Variants in CAMTA2 observed in about 807,000 individuals in gnomAD.
CAMTA2 encodes the protein calmodulin-binding transcription activator 2.
A neutral mutation model predicts 135.7 loss-of-function variants in CAMTA2; 56 were observed. The observed-to-expected ratio is 0.41, with a 90% CI of 0.33 to 0.52. The LOEUF (loss-of-function observed/expected upper bound fraction) is 0.52. CAMTA2 is among the 20% of genes least tolerant of loss of function. The pLI is 0.16. For synonymous variants in CAMTA2, 591 were observed against 604.6 expected (o/e 0.98, Z 0.33); for missense variants, 1,358 against 1,553.4 (o/e 0.87, Z 2.11).
Position 4,982,950 on chromosome 17 carries a change from TCCC to T in CAMTA2, c.203+23_203+25del, listed in dbSNP as rs778835144. ...GAACAGAACCCAGGACCCCTGCCAC[TCCC>T]CCATGTTCTCAAACTTTCTCACCTT... On this transcript the variant is annotated intron_variant, in intron 4 of 22. Coordinates refer to ENST00000348066, the MANE Select transcript of CAMTA2 (RefSeq NM_015099.4). 3 of 1,613,888 alleles carry T rather than the reference TCCC, an allele frequency of 1.9e-6. No homozygotes were observed. The African/African-American group carries it at 4.0e-5, about 22-fold the overall frequency.
chr17:4,971,369 A>G (rs1490538945), intron 16 of CAMTA2, among the ~76,000 whole-genome samples: 3 of 152,226 alleles, frequency 2.0e-5, no homozygotes, highest in African/African-American at 7.2e-5. Context: ...TTTTTGTTAT[A>G]GAGACAGGGT....
chr17:4,982,285 C>T, intron 5 of CAMTA2, 125 bp from the exon 6 acceptor site: 1 of 709,208 alleles, frequency 1.4e-6, no homozygotes, highest in Non-Finnish European at 2.5e-6. Context: ...CCCACCCTCG[C>T]CCCCACCTAT....
chr17:4,980,667 T>C lies in CAMTA2; in HGVS notation c.701-46A>G. The C allele has an allele frequency of 7.0e-7, 1 of 1,423,974 alleles. No homozygotes were observed. The highest frequency in any genetic ancestry group is 9.9e-7 in the Non-Finnish European group (1 of 1,010,828). 88.2% of individuals were successfully genotyped at this position (1,423,974 alleles called of 1,614,324 possible). ...AGGGAGAGGAGATAAGACACATCAT[T>C]CCGCACCTTCTCTACCTTGAGGCCC... On this transcript the variant is annotated intron_variant, in intron 8 of 22. Transcript: ENST00000348066. The surrounding 1 kb of genome is among the most constrained non-coding windows in gnomAD (Gnocchi z 5.3).
chr17:4,971,298 C>T (rs1972270119), intron 16 of CAMTA2, among the ~76,000 whole-genome samples: 1 of 152,196 alleles, frequency 6.6e-6, no homozygotes, highest in South Asian at 2.1e-4. Context: ...AGAACCTTGT[C>T]CCTACATAGA....
chr17:4,973,134 G>C, intron 14 of CAMTA2, 41 bp downstream of exon 14: 1 of 1,571,012 alleles, frequency 6.4e-7, no homozygotes, highest in South Asian at 1.1e-5. Context: ...TGTTCCCATT[G>C]CTCCCTGCCC....
At chr17:4,972,194 A>G in intron 16 of CAMTA2, 38 bp downstream of exon 16, 2 of 1,554,854 alleles carry the variant, frequency 1.3e-6, no homozygotes, top group Admixed American at 3.7e-5. Flanking sequence ...TTCCTACTCC[A>G]CTTCTAGCCC....
In CAMTA2 at chr17:4,973,228, A is replaced by T. The variant is rs747922294; in HGVS notation, c.2227T>A (p.Leu743Ile). The change falls in exon 14 of 23, where the codon TTA becomes ATA. Residue 743 changes from leucine (L) to isoleucine (I), a missense_variant. Leu to Ile is a conservative substitution (Grantham distance 5). Around this residue, in one of 4 missense-constraint regions of CAMTA2, gnomAD observed 1,077 missense variants for 1,127.5 expected, o/e 0.96. Transcript: ENST00000348066. Reference sequence around the variant, plus strand: ...TTGAGCGGGTCAACCTCCTGCTCTAAGTCCAAGCTTCCAGTCTCCACACTC... The same window carrying T: ...TTGAGCGGGTCAACCTCCTGCTCTATGTCCAAGCTTCCAGTCTCCACACTC... Reference protein sequence around the residue: ...WRSVETGSLDLEQEVDPLNVD... With the variant: ...WRSVETGSLDIEQEVDPLNVD... 6.2e-6 allele frequency: 10 copies of T among 1,614,080 alleles called. No individual in the cohort carries two copies. In the South Asian group the frequency reaches 1.1e-4, roughly 18 times the overall value.
In CAMTA2 at chr17:4,968,891, G is replaced by A; in HGVS notation, c.3545+16C>T. The A allele has an allele frequency of 1.2e-6, 2 of 1,613,884 alleles. No individual in the cohort carries two copies. The highest frequency in any genetic ancestry group is 1.7e-6 in the Non-Finnish European group (2 of 1,179,746). ...GGGTGGCAACGCAAAAGCCCAGGGG[G>A]AGAAGGGATGAGTACCTGTGTCGGC... On this transcript the variant is annotated intron_variant, in intron 22 of 22. Coordinates refer to ENST00000348066, the MANE Select transcript of CAMTA2 (RefSeq NM_015099.4).
chr17:4,973,155 CA>C lies in CAMTA2; in HGVS notation c.2280+19del. On this transcript the variant is annotated intron_variant, in intron 14 of 22. Transcript: ENST00000348066. ...CATTGCTCCCTGCCCCATATGCGCT[CA>C]GGAATCCGTCATCCTCACCAGAGGG... The C allele has an allele frequency of 6.2e-7, 1 of 1,609,230 alleles. No individual in the cohort carries two copies. The highest frequency in any genetic ancestry group is 1.3e-5 in the African/African-American group (1 of 74,518).
At chr17:4,968,860 C>A (rs751024487) in intron 22 of CAMTA2, 41 bp from the exon 23 acceptor site, 8 of 1,612,894 alleles carry the variant, frequency 5.0e-6, no homozygotes, top group Non-Finnish European at 6.8e-6. Flanking sequence ...ACTGGCGGAT[C>A]ACGACGGGTG....
chr17:4,979,717 G>A lies in CAMTA2; in HGVS notation c.1605C>T (p.Ile535=), dbSNP rs139709076. The A allele has an allele frequency of 7.4e-6, 12 of 1,614,002 alleles. No homozygotes were observed. Among genetic ancestry groups the A allele is most frequent in the Non-Finnish European group, 1.0e-5 (12 of 1,179,910 alleles). The change falls in exon 9 of 23, where the codon ATC becomes ATT. Residue 535 remains isoleucine (I), a synonymous_variant. Transcript: ENST00000348066. ...TPQLSPALST[I]TDFSPEWSYP... ...AGGACCACTCTGGGGAGAAGTCTGTGATGGTGCTAAGAGCAGGAGACAGCT... is the reference window on the plus strand; with the variant it reads ...AGGACCACTCTGGGGAGAAGTCTGTAATGGTGCTAAGAGCAGGAGACAGCT...
At position 4,972,445 on chromosome 17, in the gene CAMTA2, G is replaced by C. The variant is rs1195792438; in HGVS notation, c.2595C>G (p.Pro865=). 1.2e-6 allele frequency: 2 copies of C among 1,613,804 alleles called. No homozygotes were observed. The highest frequency in any genetic ancestry group is 3.3e-4 in the Middle Eastern group (2 of 6,058). ...TCTCAGAGGCTGGCAGAGGTGCAGG[G>C]GGGGGACTGCCATCTGGGGCACTAG... ...AYSSAPDGSP[P]PAPLPASEMT... The change falls in exon 16 of 23, where the codon CCC becomes CCG. Residue 865 remains proline, a synonymous_variant. Coordinates refer to ENST00000348066, the MANE Select transcript of CAMTA2 (RefSeq NM_015099.4).
chr17:4,985,040 G>C (rs1973180917), intron 3 of CAMTA2, among the ~76,000 whole-genome samples: 1 of 148,642 alleles, frequency 6.7e-6, no homozygotes, highest in East Asian at 2.0e-4. Context: ...ACAAAAATTA[G>C]CCGGGCGTGG....
rs1167149084 is a variant in CAMTA2 at position 4,973,772 on chromosome 17, G to A, written c.2017-3C>T. 1.2e-6 allele frequency: 2 copies of A among 1,601,870 alleles called. No individual in the cohort carries two copies. Among genetic ancestry groups the A allele is most frequent in the South Asian group, 1.1e-5 (1 of 89,884 alleles). ...AACCCAGGCCCCTGGCCTTCATCCT[G>A]CGATATACACACTCTTAGGCAGAGA... On this transcript the variant is annotated splice_polypyrimidine_tract_variant and splice_region_variant and intron_variant, in intron 12 of 22. Coordinates refer to ENST00000348066, the MANE Select transcript of CAMTA2 (RefSeq NM_015099.4).
At chr17:4,986,890 C>CCT in intron 1 of CAMTA2, 1 of 1,321,712 alleles carries the variant, frequency 7.6e-7, no homozygotes, top group Non-Finnish European at 1.0e-6. Flanking sequence ...GGCTGACAGC[C>CCT]CTCTCTACGT....
intron 9 of CAMTA2, 58 bp downstream of exon 9, chr17:4,979,626 T>G: frequency 8.0e-7 from 1 of 1,247,478 alleles, no homozygotes; most frequent in Non-Finnish European, 1.1e-6. Context: ...TACAATTTGT[T>G]TTGGGGAGTC....
intron 1 of CAMTA2, chr17:4,986,980 G>T (rs1487200620): frequency 6.8e-7 from 1 of 1,481,264 alleles, no homozygotes; most frequent in East Asian, 2.7e-5. Flanking sequence ...GCTCCAGCCT[G>T]AGCCCCCCGC....
At position 4,979,933 on chromosome 17, in the gene CAMTA2, A is replaced by G; in HGVS notation, c.1389T>C (p.Pro463=). 6.2e-7 allele frequency: 1 copy of G among 1,600,226 alleles called. No homozygotes were observed. The highest frequency in any genetic ancestry group is 8.6e-7 in the Non-Finnish European group (1 of 1,169,292). ...LKGHGAAPPI[P]SPPPSPPPSP... is the part of the protein sequence containing the mutation. ...AGGGTGGGGGTGAGGGAGGGGGTGAAGGTATGGGTGGGGCAGCCCCGTGAC... is the reference window on the plus strand; with the variant it reads ...AGGGTGGGGGTGAGGGAGGGGGTGAGGGTATGGGTGGGGCAGCCCCGTGAC... The change falls in exon 9 of 23, where the codon CCT becomes CCC. Residue 463 remains proline (P), a synonymous_variant. Transcript: ENST00000348066.
At chr17:4,975,142 C>G (rs16942630) in intron 11 of CAMTA2, among the ~76,000 whole-genome samples, 14,439 of 152,094 alleles carry the variant, frequency 0.095, 764 homozygotes, top group Middle Eastern at 0.16. Flanking sequence ...CTGTCCCCTC[C>G]TGAGATCAAA....
Sources: gnomAD v4.1 joint callset for allele counts (sites outside exome capture counted in the v4.1 genomes callset) on GRCh38, gnomAD v4.1.1 for gene constraint, gnomAD v4.1.1 regional missense constraint, Gnocchi (gnomAD v3.1) non-coding constraint, MANE v1.5 for transcripts, NCBI Gene and HGNC (gene_info 2026-07-23, HGNC 2026-07-21) for gene names.